Variants in ZEB2 observed in about 807,000 individuals in gnomAD.
ZEB2 encodes zinc finger E-box-binding homeobox 2.
In ZEB2, 6 loss-of-function variants were observed where a neutral mutation model predicts 99.9. The ratio of observed to expected loss-of-function variants is 0.06; its 90% confidence interval spans 0.03 to 0.12. The LOEUF is 0.12. Among genes scored for constraint, ZEB2 ranks in the 10% least tolerant of loss-of-function variants. The probability of loss-of-function intolerance (pLI) is 1.00; values close to 1 mark genes in which losing one functional copy is unlikely to be tolerated. For synonymous variants in ZEB2, 517 were observed against 542.5 expected (o/e 0.95, Z 0.65); for missense variants, 969 against 1,502.8 (o/e 0.64, Z 5.87).
chr2:144,434,832 G>A (rs918219365), intron 2 of ZEB2, among the ~76,000 whole-genome samples: 5 of 152,174 alleles, frequency 3.3e-5, no homozygotes. Flanking sequence ...ACAGAATTAT[G>A]AGCTTGAAGA....
chr2:144,456,110 T>C (rs1704118665), intron 2 of ZEB2, among the ~76,000 whole-genome samples: 1 of 148,552 alleles, frequency 6.7e-6, no homozygotes, highest in African/African-American at 2.6e-5. Context: ...CCCAAGTTTG[T>C]TCCATTGTTT....
In ZEB2 at chr2:144,401,389, G is replaced by A. The variant is rs1015626556; in HGVS notation, c.808-82C>T. The stretch of plus-strand genomic sequence containing the variant: ...TTACAAATATTTTTAAAAGGCCTCT[G>A]TTTTTCAGACAGGCCAAAAGGTTTG... On this transcript the variant is annotated intron_variant, in intron 6 of 9. Transcript: ENST00000627532. 307 of 1,391,956 alleles carry A rather than the reference G, an allele frequency of 2.2e-4. 1 individual carries two copies. Among genetic ancestry groups the A allele is most frequent in the Middle Eastern group, 5.4e-4 (3 of 5,568 alleles). 86.2% of individuals were successfully genotyped at this position (1,391,956 alleles called of 1,614,324 possible).
At position 144,398,560 on chromosome 2, in the gene ZEB2, T is replaced by A; in HGVS notation, c.2627A>T (p.Asp876Val). ...KKEFSNSNNL[D>V]NKSTNPVFSM... ...GAACACTGGGTTAGTGCTTTTGTTGTCCAGATTATTTGAATTTGAAAATTC... is the reference window on the plus strand; with the variant it reads ...GAACACTGGGTTAGTGCTTTTGTTGACCAGATTATTTGAATTTGAAAATTC... Residue 876 changes from aspartate to valine, a missense_variant, in exon 8 of 10, where the codon GAC (aspartate) becomes GTC (valine). Asp to Val is a radical substitution (Grantham distance 152). Transcript: ENST00000627532. 1 of 1,614,150 alleles carries A rather than the reference T, an allele frequency of 6.2e-7. No homozygotes were observed. Among genetic ancestry groups the A allele is most frequent in the African/African-American group, 1.3e-5 (1 of 75,064 alleles).
At chr2:144,396,066 G>T (rs888352166) in intron 9 of ZEB2, among the ~76,000 whole-genome samples, 3 of 152,052 alleles carry the variant, frequency 2.0e-5, no homozygotes, top group Non-Finnish European at 2.9e-5. Context: ...ACATATATAG[G>T]TTCATCTTAA....
At chr2:144,422,387 T>C (rs1703629992) in intron 4 of ZEB2, among the ~76,000 whole-genome samples, 1 of 152,178 alleles carries the variant, frequency 6.6e-6, no homozygotes, top group Admixed American at 6.5e-5. Context: ...CCTCTTCAAT[T>C]AGAAAGCCCT....
At chr2:144,429,601 T>C (rs1275898467) in intron 3 of ZEB2, 168 bp downstream of exon 3, 1 of 1,053,012 alleles carries the variant, frequency 9.5e-7, no homozygotes, top group African/African-American at 1.6e-5. Context: ...TGTGATAACA[T>C]TACTATCACT....
rs1426721363 is a variant in ZEB2 at position 144,384,145 on chromosome 2, A to G, written c.*5306T>C. 1 of 152,224 alleles carries G rather than the reference A, an allele frequency of 6.6e-6. No individual in the cohort carries two copies. Among genetic ancestry groups the G allele is most frequent in the African/African-American group, 2.4e-5 (1 of 41,462 alleles). The allele number at this position is 152,224 out of a possible 1,614,324, so 9.4% of individuals were successfully genotyped here. A position where few individuals can be genotyped will look rare whatever the true frequency, so the allele number is the denominator to read the frequency against. ...ATCATTTTCTTTGACTAAAATTATT[A>G]GAATCTTTGTCATATTAATCTCAAG... On this transcript the variant is annotated 3_prime_UTR_variant, in exon 10 of 10. Coordinates refer to ENST00000627532, the MANE Select transcript of ZEB2 (RefSeq NM_014795.4).
intron 2 of ZEB2, among the ~76,000 whole-genome samples, chr2:144,515,767 G>GCACACACACGCGTACACA (rs1705124300): frequency 6.9e-6 from 1 of 144,996 alleles, no homozygotes; most frequent in African/African-American, 2.6e-5. Context: ...ACACACACAC[G>GCACACACACGCGTACACA]CACACACACG....
intron 2 of ZEB2, chr2:144,513,267 A>G (rs1459494451): frequency 3.1e-6 from 4 of 1,289,086 alleles, no homozygotes; most frequent in East Asian, 5.5e-5. Flanking sequence ...TTAAACAGGG[A>G]TAACCATTTC....
intron 2 of ZEB2, among the ~76,000 whole-genome samples, chr2:144,472,197 T>A (rs898639854): frequency 8.2e-5 from 8 of 97,312 alleles, no homozygotes; most frequent in Non-Finnish European, 1.4e-4. Flanking sequence ...GTTTTCTTCA[T>A]CATCATCATC....
chr2:144,412,522 A>C (rs1343344451), intron 4 of ZEB2, among the ~76,000 whole-genome samples: 1 of 152,232 alleles, frequency 6.6e-6, no homozygotes, highest in African/African-American at 2.4e-5. Flanking sequence ...CATCCGTATC[A>C]TCTGGGAGCT....
At chr2:144,427,872 G>C (rs1703709654) in intron 3 of ZEB2, 1 of 152,078 alleles carries the variant, frequency 6.6e-6, no homozygotes, top group African/African-American at 2.4e-5. Flanking sequence ...TGTATCACAG[G>C]CACCATTAAC....
At chr2:144,516,199 A>T (rs1378663709) in intron 2 of ZEB2, 1 of 148,366 alleles carries the variant, frequency 6.7e-6, no homozygotes, top group Non-Finnish European at 1.5e-5. Flanking sequence ...TTTTAAACTC[A>T]GTTATCCTCC....
intron 2 of ZEB2, among the ~76,000 whole-genome samples, chr2:144,454,856 C>T (rs1459962012): frequency 1.3e-5 from 2 of 151,972 alleles, no homozygotes; most frequent in Non-Finnish European, 2.9e-5. Context: ...CATGGGTGTG[C>T]CTGCCTACAC....
At chr2:144,436,069 C>G (rs1003419695) in intron 2 of ZEB2, among the ~76,000 whole-genome samples, 13 of 151,982 alleles carry the variant, frequency 8.6e-5, no homozygotes, top group Non-Finnish European at 1.6e-4. Flanking sequence ...AAGACAAACT[C>G]AAACAGAGAT....
At chr2:144,492,977 A>G (rs1704704049) in intron 2 of ZEB2, among the ~76,000 whole-genome samples, 1 of 152,258 alleles carries the variant, frequency 6.6e-6, no homozygotes, top group African/African-American at 2.4e-5. Flanking sequence ...GGAGACAAAT[A>G]GGAATCAGAT....
chr2:144,422,804 CA>C (rs1273536007), intron 4 of ZEB2, among the ~76,000 whole-genome samples: 1 of 150,724 alleles, frequency 6.6e-6, no homozygotes, highest in African/African-American at 2.5e-5. Context: ...TTGTCTCAAA[CA>C]AAACAAAACA....
intron 2 of ZEB2, chr2:144,463,427 T>C (rs1704223552): frequency 6.6e-6 from 1 of 152,152 alleles, no homozygotes; most frequent in South Asian, 2.1e-4. Context: ...CATTGGCTAT[T>C]TAAGCAAATA....
rs888376367 is a variant in ZEB2 at position 144,443,511 on chromosome 2, G to A, written c.74-13485C>T. On this transcript the variant is annotated intron_variant, in intron 2 of 9. Transcript: ENST00000627532. ...TTATAATGCTACAATAACATATTACGATGCCAGAACATATTACTGTACATT... is the reference window on the plus strand; with the variant it reads ...TTATAATGCTACAATAACATATTACAATGCCAGAACATATTACTGTACATT... Among the ~76,000 whole-genome samples the A allele has an allele frequency of 8.5e-5, 13 of 152,128 alleles. No homozygotes were observed. The South Asian group carries it at 1.5e-3, about 17-fold the overall frequency.
Sources: allele counts gnomAD v4.1 joint callset (sites outside exome capture counted in the v4.1 genomes callset), GRCh38; gene constraint gnomAD v4.1.1; transcripts MANE v1.5; gene names NCBI Gene and HGNC (gene_info 2026-07-23, HGNC 2026-07-21).